COBL: variants seen among roughly 807,000 people sequenced by gnomAD.
The protein encoded by COBL is cordon-bleu WH2 repeat protein.
In COBL, 51 loss-of-function variants were observed where a neutral mutation model predicts 98.8. The observed-to-expected ratio is 0.52, with a 90% CI of 0.41 to 0.65. COBL has a LOEUF of 0.65. Among genes scored for constraint, COBL ranks in the 30% least tolerant of loss-of-function variants. COBL has a pLI of 0.00. For synonymous variants in COBL, 634 were observed against 651.7 expected, an observed-to-expected ratio of 0.97 and a Z score of 0.41; for missense variants, 1,617 against 1,617.5, an observed-to-expected ratio of 1.00 and a Z score of 0.01.
chr7:51,238,561 C>T (rs900281389), intron 1 of COBL, among the ~76,000 whole-genome samples: 2 of 152,170 alleles, frequency 1.3e-5, no homozygotes, highest in African/African-American at 4.8e-5. Context: ...CAGAGCAACT[C>T]CATCTTGAAT....
At chr7:51,262,940 T>C (rs1486205861) in intron 1 of COBL, among the ~76,000 whole-genome samples, 1 of 151,994 alleles carries the variant, frequency 6.6e-6, no homozygotes, top group South Asian at 2.1e-4. Context: ...CTGGGCTGCA[T>C]CTGGAAAAAG....
chr7:51,085,391 G>C (rs1794131429), intron 6 of COBL, 87 bp from the exon 7 acceptor site: 1 of 1,365,162 alleles, frequency 7.3e-7, no homozygotes, highest in Non-Finnish European at 1.0e-6. Context: ...ATTGTGCTGG[G>C]GCAGGGACCT....
At chr7:51,045,504 C>A (rs969571688) in intron 7 of COBL, among the ~76,000 whole-genome samples, 1 of 152,158 alleles carries the variant, frequency 6.6e-6, no homozygotes, top group Non-Finnish European at 1.5e-5. Flanking sequence ...CTGGACTGAG[C>A]GAGGTGGTGG....
rs1326661635 is a variant in COBL, at chr7:51,028,292, G to A, written c.2804C>T (p.Thr935Ile). ...WKDGAQWPCV[T>I]PPNNHGEDLA... The stretch of plus-strand genomic sequence containing the variant: ...ATCTTCCCCGTGGTTGTTGGGAGGA[G>A]TGACACAGGGCCACTGGGCACCATC... The change falls in exon 10 of 13, where the codon ACT becomes ATT. Residue 935 changes from threonine to isoleucine, a missense_variant. Physicochemically the swap from Thr to Ile is moderately conservative, Grantham distance 89. Transcript: ENST00000265136. 2 of 1,614,236 alleles carry A rather than the reference G, an allele frequency of 1.2e-6. No homozygotes were observed. Among genetic ancestry groups the A allele is most frequent in the East Asian group, 4.5e-5 (2 of 44,876 alleles).
At position 51,043,456 on chromosome 7, in the gene COBL, C is replaced by T. The variant is rs756323456; in HGVS notation, c.1333G>A (p.Ala445Thr). 19 of 1,614,094 alleles carry T rather than the reference C, an allele frequency of 1.2e-5. No homozygotes were observed. Among genetic ancestry groups the T allele is most frequent in the Admixed American group, 1.0e-4 (6 of 60,012 alleles). ...DQEDCSDQDLAGTPDLGPQKS... is the reference protein window; with the variant it reads ...DQEDCSDQDLTGTPDLGPQKS... ...TGGGGACCCAGGTCTGGGGTTCCAG[C>T]GAGGTCCTGGTCACTGCAGTCTTCC... The change falls in exon 8 of 13, where the codon GCT becomes ACT. Residue 445 changes from alanine (A) to threonine (T), a missense_variant. Ala to Thr is a moderately conservative substitution (Grantham distance 58). This residue lies in a region of COBL where 1,304 missense variants were observed against 1,282.0 expected (regional missense o/e 1.02). Transcript: ENST00000265136.
chr7:51,061,712 C>G (rs1275166730), intron 7 of COBL, among the ~76,000 whole-genome samples: 2 of 152,054 alleles, frequency 1.3e-5, no homozygotes, highest in African/African-American at 2.4e-5. Flanking sequence ...TGCTGAGGGT[C>G]TGAACAGAAC....
intron 1 of COBL, among the ~76,000 whole-genome samples, chr7:51,262,575 C>T (rs1389511037): frequency 6.6e-6 from 1 of 152,198 alleles, no homozygotes; most frequent in African/African-American, 2.4e-5. Context: ...GAAGTCACGA[C>T]AGGCAGCGCC....
At chr7:51,094,804 A>G (rs1180990292) in intron 6 of COBL, among the ~76,000 whole-genome samples, 2 of 152,248 alleles carry the variant, frequency 1.3e-5, no homozygotes, top group African/African-American at 2.4e-5. Context: ...GCATAAAAAT[A>G]TAAGTATAAA....
chr7:51,027,987 C>A lies in COBL; in HGVS notation c.3109G>T (p.Val1037Phe). ...SDTQACSREL[V>F]NGSVRAPGHG... ...CCTGGGGCGCGCACAGAGCCATTGACCAGCTCCCTGCTGCAGGCCTGAGTG... is the reference window on the plus strand; with the variant it reads ...CCTGGGGCGCGCACAGAGCCATTGAACAGCTCCCTGCTGCAGGCCTGAGTG... Residue 1037 changes from valine to phenylalanine, a missense_variant, in exon 10 of 13, where the codon GTC becomes TTC. Coordinates refer to ENST00000265136, the MANE Select transcript of COBL (RefSeq NM_015198.5). 1.2e-6 allele frequency: 2 copies of A among 1,604,014 alleles called. No individual in the cohort carries two copies. The highest frequency in any genetic ancestry group is 8.5e-7 in the Non-Finnish European group (1 of 1,174,528).
chr7:51,145,147 T>A (rs1280865290), intron 5 of COBL, among the ~76,000 whole-genome samples: 3 of 151,904 alleles, frequency 2.0e-5, no homozygotes, highest in Admixed American at 2.0e-4. Context: ...CCTGAGTAGC[T>A]GGGATTATAG....
intron 7 of COBL, among the ~76,000 whole-genome samples, chr7:51,074,030 G>A (rs1158031592): frequency 2.0e-5 from 3 of 152,068 alleles, no homozygotes; most frequent in Admixed American, 6.5e-5. Flanking sequence ...TTAAATCTCT[G>A]AAGGCCTTGG....
intron 1 of COBL, among the ~76,000 whole-genome samples, chr7:51,237,978 A>AG (rs1347362713): frequency 6.6e-6 from 1 of 152,182 alleles, no homozygotes; most frequent in African/African-American, 2.4e-5. Flanking sequence ...ACAACCTGCC[A>AG]GGGCTACACC....
chr7:51,245,122 A>G (rs1366958610), intron 1 of COBL, among the ~76,000 whole-genome samples: 1 of 152,020 alleles, frequency 6.6e-6, no homozygotes, highest in Non-Finnish European at 1.5e-5. Flanking sequence ...GGCTTCCTCC[A>G]CACTCTAACG....
At chr7:51,023,368 T>A (rs1249100609) in intron 12 of COBL, among the ~76,000 whole-genome samples, 1 of 152,160 alleles carries the variant, frequency 6.6e-6, no homozygotes, top group Non-Finnish European at 1.5e-5. Flanking sequence ...GCCATCTGGG[T>A]AAGGAGACTT....
rs377466621 is a variant in COBL at position 51,043,625 on chromosome 7, C to T, written c.1164G>A (p.Ala388=). The T allele has an allele frequency of 7.6e-5, 123 of 1,614,198 alleles. No individual in the cohort carries two copies. Among genetic ancestry groups the T allele is most frequent in the East Asian group, 4.9e-4 (22 of 44,884 alleles). ...PDGAPQVLSE[A]EETVSVGSCF... ...AGCTGCCAACTGACACGGTCTCCTC[C>T]GCCTCTGACAGCACCTGCGGGGCTC... Residue 388 remains alanine, a synonymous_variant, in exon 8 of 13, where the codon GCG becomes GCA. Transcript: ENST00000265136.
intron 1 of COBL, among the ~76,000 whole-genome samples, chr7:51,271,796 G>A (rs1232741226): frequency 2.0e-5 from 3 of 152,212 alleles, no homozygotes; most frequent in Non-Finnish European, 4.4e-5. Flanking sequence ...TTGGAAGACC[G>A]AGGCAGGAGG....
rs34239803 is a variant in COBL at position 51,040,192 on chromosome 7, T to TA, written c.1406+3190dup. On this transcript the variant is annotated intron_variant, in intron 8 of 12. Coordinates refer to ENST00000265136, the MANE Select transcript of COBL (RefSeq NM_015198.5). The stretch of plus-strand genomic sequence containing the variant: ...ATTTGTCAGTTGAGATAATTTCTGT[T>TA]AAAAAAAAAAAAAAAACCTCAAAAT... Among the ~76,000 whole-genome samples the TA allele has an allele frequency of 3.2e-3, 443 of 139,124 alleles. 1 individual carries two copies. The highest frequency in any genetic ancestry group is 7.4e-3 in the Middle Eastern group (2 of 270). 91.3% of individuals were successfully genotyped at this position (139,124 alleles called of 152,430 possible).
chr7:51,065,092 C>A, intron 7 of COBL: 1 of 670,614 alleles, frequency 1.5e-6, no homozygotes, highest in Non-Finnish European at 2.7e-6. Context: ...AAAACACCTT[C>A]ACAGTATTCT....
rs576376759 is a variant in COBL at position 51,120,109 on chromosome 7, T to C, written c.957+16049A>G. 2.7e-3 allele frequency among the ~76,000 whole-genome samples: 411 copies of C among 152,272 alleles called. 1 individual carries two copies. Among genetic ancestry groups the C allele is most frequent in the Non-Finnish European group, 4.2e-3 (287 of 68,022 alleles). Reference sequence around the variant, plus strand: ...AATATATTGAAATAAGTAAATATAATAAATATGGTAGTATAGAAAAAATAG... The same window carrying C: ...AATATATTGAAATAAGTAAATATAACAAATATGGTAGTATAGAAAAAATAG... On this transcript the variant is annotated intron_variant, in intron 6 of 12. Transcript: ENST00000265136.
Sources: gnomAD v4.1 joint callset for allele counts (sites outside exome capture counted in the v4.1 genomes callset) on GRCh38, gnomAD v4.1.1 for gene constraint, gnomAD v4.1.1 regional missense constraint, MANE v1.5 for transcripts, NCBI Gene and HGNC (gene_info 2026-07-23, HGNC 2026-07-21) for gene names.